Variants in ZFR2 observed in about 807,000 individuals in gnomAD.
The protein encoded by ZFR2 is zinc finger RNA-binding protein 2.
A neutral mutation model predicts 105.7 loss-of-function variants in ZFR2; 104 were observed. The observed-to-expected ratio is 0.98, with a 90% CI of 0.84 to 1.16. ZFR2 has a LOEUF of 1.16. Among genes scored for constraint, ZFR2 ranks in the 50% most tolerant of loss-of-function variants. The pLI is 0.00. For missense variants in ZFR2, 1,425 were observed against 1,355.5 expected (o/e 1.05, Z -0.80); for synonymous variants, 634 against 597.7 (o/e 1.06, Z -0.89).
intron 3 of ZFR2, among the ~76,000 whole-genome samples, 160 bp from the exon 4 acceptor site, chr19:3,832,038 A>G (rs1052348465): frequency 1.3e-5 from 2 of 151,984 alleles, no homozygotes; most frequent in African/African-American, 4.8e-5. Context: ...CTCGCAGGTT[A>G]CCTTGTGCCC....
chr19:3,854,094 C>A (rs2038271218), intron 1 of ZFR2, among the ~76,000 whole-genome samples: 1 of 149,850 alleles, frequency 6.7e-6, no homozygotes, highest in Admixed American at 6.6e-5. Flanking sequence ...AAAAAAACCA[C>A]TGTGCCCTGA....
chr19:3,841,139 G>C (rs2038129059), intron 1 of ZFR2, among the ~76,000 whole-genome samples: 1 of 152,238 alleles, frequency 6.6e-6, no homozygotes, highest in African/African-American at 2.4e-5. Flanking sequence ...TGCTTGCAAA[G>C]TTTGAGGATT....
intron 1 of ZFR2, among the ~76,000 whole-genome samples, chr19:3,855,850 G>A (rs911130416): frequency 6.6e-6 from 1 of 152,116 alleles, no homozygotes; most frequent in Non-Finnish European, 1.5e-5. Context: ...GGAATGAGGG[G>A]AGATGGGGTC....
chr19:3,849,880 G>A (rs550832728), intron 1 of ZFR2, among the ~76,000 whole-genome samples: 15 of 152,334 alleles, frequency 9.8e-5, no homozygotes, highest in African/African-American at 3.1e-4. Flanking sequence ...CTGGACGTCC[G>A]CTGGCTGAGG....
intron 14 of ZFR2, 82 bp from the exon 15 acceptor site, chr19:3,811,448 G>A (rs1014965586): frequency 1.5e-5 from 20 of 1,330,950 alleles, no homozygotes; most frequent in Non-Finnish European, 1.9e-5. Flanking sequence ...GCTCAGTTTG[G>A]GCCCCTCGAC....
At chr19:3,862,734 A>T (rs538953636) in intron 1 of ZFR2, among the ~76,000 whole-genome samples, 1 of 152,262 alleles carries the variant, frequency 6.6e-6, no homozygotes, top group Non-Finnish European at 1.5e-5. Flanking sequence ...AGTACACTTC[A>T]ACCCATTTTC....
chr19:3,810,227 TG>T (rs1372090957), intron 16 of ZFR2, among the ~76,000 whole-genome samples: 2 of 152,050 alleles, frequency 1.3e-5, no homozygotes, highest in Non-Finnish European at 2.9e-5. Flanking sequence ...GTGTGGGGAC[TG>T]GGTGGGTTCC....
intron 6 of ZFR2, among the ~76,000 whole-genome samples, chr19:3,826,356 C>T (rs1191674839): frequency 1.3e-5 from 2 of 152,052 alleles, no homozygotes; most frequent in Non-Finnish European, 2.9e-5. Flanking sequence ...GCCCGGGCTA[C>T]AGCACAAGCC....
At chr19:3,866,030 CAG>C (rs1435133651) in intron 1 of ZFR2, among the ~76,000 whole-genome samples, 1 of 151,984 alleles carries the variant, frequency 6.6e-6, no homozygotes, top group Non-Finnish European at 1.5e-5. Flanking sequence ...TTAGGAGAGA[CAG>C]GGTTTCACCA....
At chr19:3,859,899 C>CTTTT (rs1291230463) in intron 1 of ZFR2, among the ~76,000 whole-genome samples, 7 of 152,006 alleles carry the variant, frequency 4.6e-5, no homozygotes, top group Admixed American at 3.3e-4. Context: ...TTTTCTTTTT[C>CTTTT]TTTTTTTCTG....
chr19:3,828,754 C>G (rs1023430888), intron 5 of ZFR2, among the ~76,000 whole-genome samples: 1 of 152,182 alleles, frequency 6.6e-6, no homozygotes, highest in Admixed American at 6.5e-5. Context: ...ACGAAACCAA[C>G]ACGCCCTGAC....
Position 3,838,304 on chromosome 19 carries a change from TG to T in ZFR2, c.54-3322del, listed in dbSNP as rs2038099963. ...GACTACAGACACCTGATGAACACTA[TG>T]ACAGTGGCAGTACTCCTGTTCCCAC... On this transcript the variant is annotated intron_variant, in intron 1 of 18. Transcript: ENST00000262961. This position sits in a 1 kb window ranked among gnomAD's most constrained non-coding sequence, Gnocchi z 4.9. 6.6e-6 allele frequency among the ~76,000 whole-genome samples: 1 copy of T among 152,204 alleles called. No homozygotes were observed. The highest frequency in any genetic ancestry group is 2.1e-4 in the South Asian group (1 of 4,828).
At chr19:3,864,831 T>C (rs571420860) in intron 1 of ZFR2, among the ~76,000 whole-genome samples, 137 of 152,286 alleles carry the variant, frequency 9.0e-4, no homozygotes, top group Middle Eastern at 3.4e-3. Flanking sequence ...CACTGTGACC[T>C]CCACCTCCCG....
In ZFR2 at chr19:3,813,736, G is replaced by T. The variant is rs546953498; in HGVS notation, c.2242+84C>A. On this transcript the variant is annotated intron_variant, in intron 14 of 18. Coordinates refer to ENST00000262961, the MANE Select transcript of ZFR2 (RefSeq NM_015174.2). The surrounding 1 kb of genome is among the most constrained non-coding windows in gnomAD (Gnocchi z 4.4). ...GGCATTTCCTGCTCAGGGCAGAGGC[G>T]GACGCTGCCCCAGGCCTGGGTGTGG... 4.5e-6 allele frequency: 7 copies of T among 1,564,150 alleles called. No individual in the cohort carries two copies. In the South Asian group the frequency reaches 8.2e-5, roughly 18 times the overall value.
chr19:3,806,404 A>C (rs2037697225), intron 18 of ZFR2, among the ~76,000 whole-genome samples: 1 of 152,248 alleles, frequency 6.6e-6, no homozygotes, highest in African/African-American at 2.4e-5. Context: ...CTGGGATTAC[A>C]GGCGTGTGCC....
intron 17 of ZFR2, among the ~76,000 whole-genome samples, 200 bp from the exon 18 acceptor site, chr19:3,807,469 C>G (rs772921981): frequency 2.0e-5 from 3 of 152,246 alleles, no homozygotes; most frequent in Non-Finnish European, 4.4e-5. Context: ...CTCCTGGCCC[C>G]TCAAAGCCTG....
chr19:3,854,645 G>A (rs1427281451), intron 1 of ZFR2, among the ~76,000 whole-genome samples: 1 of 152,236 alleles, frequency 6.6e-6, no homozygotes, highest in Non-Finnish European at 1.5e-5. Context: ...GGGTCTTGAT[G>A]TAGAGCATGT....
chr19:3,822,328 G>C, intron 8 of ZFR2, 128 bp from the exon 9 acceptor site: 2 of 1,425,018 alleles, frequency 1.4e-6, no homozygotes, highest in Non-Finnish European at 1.9e-6. Flanking sequence ...TCTTTTTAGA[G>C]ACAGCGTCTT....
At chr19:3,844,198 TTA>T (rs1029813938) in intron 1 of ZFR2, among the ~76,000 whole-genome samples, 1 of 152,106 alleles carries the variant, frequency 6.6e-6, no homozygotes, top group Non-Finnish European at 1.5e-5. Flanking sequence ...CTGGTCAATT[TTA>T]TGTTATCTAG....
Sources: allele counts gnomAD v4.1 joint callset (sites outside exome capture counted in the v4.1 genomes callset), GRCh38; gene constraint gnomAD v4.1.1; non-coding constraint Gnocchi (gnomAD v3.1); transcripts MANE v1.5; gene names NCBI Gene and HGNC (gene_info 2026-07-23, HGNC 2026-07-21).